The following BBS4 variants were observed in gnomAD, a reference collection of about 807,000 sequenced individuals.
BBS4 encodes BBSome complex member BBS4.
A neutral mutation model predicts 71.4 loss-of-function variants in BBS4; 58 were observed. The ratio of observed to expected loss-of-function variants is 0.81; its 90% CI spans 0.66 to 1.01. The LOEUF (loss-of-function observed/expected upper bound fraction) is 1.01. BBS4 is among the 50% of genes least tolerant of loss of function. The probability of loss-of-function intolerance (pLI) is 0.00; values close to 1 mark genes in which losing one functional copy is unlikely to be tolerated. For missense variants in BBS4, 660 were observed against 607.9 expected (o/e 1.09, Z -0.90); for synonymous variants, 228 against 216.8 (o/e 1.05, Z -0.46).
intron 4 of BBS4, among the ~76,000 whole-genome samples, chr15:72,712,824 G>A (rs971675360): frequency 7.2e-5 from 11 of 152,042 alleles, no homozygotes; most frequent in African/African-American, 2.7e-4. Context: ...TGTACACTTA[G>A]CCTACACTAA....
intron 8 of BBS4, among the ~76,000 whole-genome samples, chr15:72,724,930 C>T (rs576137338): frequency 1.6e-4 from 25 of 152,132 alleles, no homozygotes; most frequent in Non-Finnish European, 2.8e-4. Context: ...CTCACCATTC[C>T]TTAGGCTGTT....
In BBS4 at chr15:72,712,288, A is replaced by G; in HGVS notation, c.201A>G (p.Glu67=). Residue 67 remains glutamate (E), a synonymous_variant, in exon 4 of 16, where the codon GAA becomes GAG. Transcript: ENST00000268057. ...TTCAAGAGACTCAGGGATTGTGTGA[A>G]TATGCTATCTATGTCCAAGGTAAGA... ...EQLQETQGLC[E]YAIYVQALIF... 1 of 1,614,042 alleles carries G rather than the reference A, an allele frequency of 6.2e-7. No homozygotes were observed. The highest frequency in any genetic ancestry group is 1.1e-5 in the South Asian group (1 of 91,068).
intron 1 of BBS4, among the ~76,000 whole-genome samples, chr15:72,689,785 TTTA>T (rs2064949696): frequency 1.0e-5 from 1 of 97,300 alleles, no homozygotes. Flanking sequence ...AATCTTTTTA[TTTA>T]TTTATTTATT....
At chr15:72,723,339 G>C (rs1268021186) in intron 7 of BBS4, among the ~76,000 whole-genome samples, 4 of 152,146 alleles carry the variant, frequency 2.6e-5, no homozygotes, top group African/African-American at 9.7e-5. Flanking sequence ...ATATTTCACT[G>C]TGATTAAGCT....
intron 4 of BBS4, among the ~76,000 whole-genome samples, chr15:72,714,158 A>G (rs986375172): frequency 1.3e-5 from 2 of 152,056 alleles, no homozygotes; most frequent in Non-Finnish European, 2.9e-5. Flanking sequence ...CTGGAAATAA[A>G]CAAGATAAAG....
chr15:72,707,188 T>C (rs1595918991), intron 2 of BBS4, among the ~76,000 whole-genome samples: 1 of 150,118 alleles, frequency 6.7e-6, no homozygotes, highest in Non-Finnish European at 1.5e-5. Context: ...TTTTCTTTTT[T>C]TTTTTTTGGA....
At chr15:72,696,114 T>C (rs912905624) in intron 2 of BBS4, among the ~76,000 whole-genome samples, 12 of 152,338 alleles carry the variant, frequency 7.9e-5, no homozygotes, top group East Asian at 3.9e-4. Context: ...ATTGTGGATT[T>C]GTTTCTACTT....
intron 2 of BBS4, among the ~76,000 whole-genome samples, chr15:72,696,372 G>C (rs182925820): frequency 6.6e-6 from 1 of 152,174 alleles, no homozygotes; most frequent in East Asian, 1.9e-4. Flanking sequence ...AATTTTCGTA[G>C]AGTAAAATTC....
At chr15:72,688,838 G>A (rs951796385) in intron 1 of BBS4, among the ~76,000 whole-genome samples, 1 of 152,194 alleles carries the variant, frequency 6.6e-6, no homozygotes, top group African/African-American at 2.4e-5. Context: ...AACGCTGGAA[G>A]CAAATTAAAT....
rs1458417621 is a variant in BBS4, at chr15:72,687,124, C to CTTTT, written c.24+880_24+883dup. On this transcript the variant is annotated intron_variant, in intron 1 of 15. Coordinates refer to ENST00000268057, the MANE Select transcript of BBS4 (RefSeq NM_033028.5). Reference sequence around the variant, plus strand: ...AATTAGAAAACTCTGAAGACAGAAACTTTTTTTTTTGAGACGGAGTGTCGC... The same window carrying CTTTT: ...AATTAGAAAACTCTGAAGACAGAAACTTTTTTTTTTTTTTGAGACGGAGTGTCGC... Among the ~76,000 whole-genome samples the CTTTT allele has an allele frequency of 1.6e-3, 122 of 76,210 alleles. 17 individuals are homozygous for CTTTT. The highest frequency in any genetic ancestry group is 0.022 in the Middle Eastern group (1 of 46). The allele number at this position is 76,210 out of a possible 152,430, so 50.0% of individuals were successfully genotyped here. A position where few individuals can be genotyped will look rare whatever the true frequency, so the allele number is the denominator to read the frequency against.
At chr15:72,710,828 T>C (rs1181355616) in intron 3 of BBS4, among the ~76,000 whole-genome samples, 1 of 152,034 alleles carries the variant, frequency 6.6e-6, no homozygotes, top group Non-Finnish European at 1.5e-5. Context: ...TTTGCTCTTA[T>C]TGCCCAGGCT....
At chr15:72,694,031 C>T (rs549028344) in intron 1 of BBS4, among the ~76,000 whole-genome samples, 4 of 151,888 alleles carry the variant, frequency 2.6e-5, no homozygotes, top group Non-Finnish European at 5.9e-5. Context: ...ATTACAGGTG[C>T]CTGCCACCAC....
intron 7 of BBS4, 125 bp from the exon 8 acceptor site, chr15:72,724,403 G>T: frequency 7.2e-7 from 1 of 1,390,024 alleles, no homozygotes; most frequent in Non-Finnish European, 1.0e-6. Context: ...GGTAGTGGGG[G>T]CTGTTTGCTG....
At chr15:72,712,955 A>G (rs2065401916) in intron 4 of BBS4, among the ~76,000 whole-genome samples, 1 of 151,642 alleles carries the variant, frequency 6.6e-6, no homozygotes, top group South Asian at 2.1e-4. Context: ...ACACAACAAC[A>G]TTGTACATTT....
chr15:72,712,163 G>A, intron 3 of BBS4, 81 bp from the exon 4 acceptor site: 1 of 1,312,288 alleles, frequency 7.6e-7, no homozygotes, highest in Non-Finnish European at 1.1e-6. Flanking sequence ...CACCGCACCT[G>A]GCCTGTCCAT....
At chr15:72,717,994 G>A (rs957664898) in intron 6 of BBS4, among the ~76,000 whole-genome samples, 14 of 151,994 alleles carry the variant, frequency 9.2e-5, no homozygotes, top group African/African-American at 1.9e-4. Context: ...GATTACAGGC[G>A]CCTGCCACCA....
intron 8 of BBS4, among the ~76,000 whole-genome samples, chr15:72,727,112 C>T (rs564933904): frequency 1.3e-5 from 2 of 152,302 alleles, no homozygotes; most frequent in South Asian, 2.1e-4. Context: ...ATTGAGAAAG[C>T]TCTGTTTGGT....
Position 72,695,206 on chromosome 15 carries a change from T to C in BBS4, c.54T>C (p.Ser18=), listed in dbSNP as rs1323367957. Reference sequence around the variant, plus strand: ...CTCAATTTCCTGTATCTACTGAGTCTCAAAAACCCCGGCAGAAAAAAGGTC... The same window carrying C: ...CTCAATTTCCTGTATCTACTGAGTCCCAAAAACCCCGGCAGAAAAAAGGTC... The part of the protein sequence containing the change: ...TRTQFPVSTE[S]QKPRQKKAPE... Residue 18 remains serine (S), a synonymous_variant, in exon 2 of 16, where the codon TCT becomes TCC. Transcript: ENST00000268057. 1 of 1,606,348 alleles carries C rather than the reference T, an allele frequency of 6.2e-7. No individual in the cohort carries two copies. Among genetic ancestry groups the C allele is most frequent in the South Asian group, 1.1e-5 (1 of 90,844 alleles).
At chr15:72,709,646 A>G (rs751448309) in intron 2 of BBS4, 54 bp from the exon 3 acceptor site, 164 of 1,335,168 alleles carry the variant, frequency 1.2e-4, no homozygotes, top group Non-Finnish European at 1.7e-4. Flanking sequence ...GGACAGTGCT[A>G]AAGGAGAAAA....
Sources: allele counts gnomAD v4.1 joint callset (sites outside exome capture counted in the v4.1 genomes callset), GRCh38; gene constraint gnomAD v4.1.1; transcripts MANE v1.5; gene names NCBI Gene and HGNC (gene_info 2026-07-23, HGNC 2026-07-21).